CFHR4: variants seen among roughly 807,000 people sequenced by gnomAD.
CFHR4 encodes complement factor H-related protein 4.
CFHR4 carries 64 observed loss-of-function variants against 69.3 expected under a neutral mutation model. The observed-to-expected ratio is 0.92, with a 90% CI of 0.76 to 1.14. The LOEUF is 1.14. CFHR4 is among the 50% of genes most tolerant of loss of function. CFHR4 has a pLI of 0.00. For synonymous variants in CFHR4, 244 were observed against 237.0 expected (o/e 1.03, Z -0.27); for missense variants, 636 against 684.9 (o/e 0.93, Z 0.80).
Position 196,912,949 on chromosome 1 carries a change from G to C in CFHR4, c.1180+27G>C, listed in dbSNP as rs771039260. On this transcript the variant is annotated intron_variant, in intron 7 of 9. Coordinates refer to ENST00000608469, the MANE Select transcript of CFHR4 (RefSeq NM_001201550.3). ...TAAGTGATTTACATATTCCCATTCA[G>C]TTTCTGTCAACTTCGTTCCTCTCTT... The C allele has an allele frequency of 8.7e-6, 14 of 1,610,470 alleles. No individual in the cohort carries two copies. In the South Asian group the frequency reaches 1.4e-4, roughly 16 times the overall value.
Position 196,910,496 on chromosome 1 carries a change from C to A in CFHR4, c.997+18C>A, listed in dbSNP as rs780767022. The A allele has an allele frequency of 6.3e-7, 1 of 1,590,856 alleles. No individual in the cohort carries two copies. Among genetic ancestry groups the A allele is most frequent in the Admixed American group, 1.7e-5 (1 of 59,660 alleles). ...ATGCCTCAGTAAGCAAACCTCTTTA[C>A]AACAATATGTGCATAAAACTTGCAA... On this transcript the variant is annotated intron_variant, in intron 6 of 9. Transcript: ENST00000608469.
rs12746177 is a variant in CFHR4 at position 196,915,893 on chromosome 1, G to A, written c.1540+755G>A. Among the ~76,000 whole-genome samples the A allele has an allele frequency of 5.9e-5, 9 of 151,316 alleles. 1 individual carries two copies. The highest frequency in any genetic ancestry group is 1.5e-4 in the African/African-American group (6 of 41,050). ...TGAAAACACTGTTTCAAAAAACCAC[G>A]AACTATTAAATCCTCCTTGAAAACA... On this transcript the variant is annotated intron_variant, in intron 9 of 9. Coordinates refer to ENST00000608469, the MANE Select transcript of CFHR4 (RefSeq NM_001201550.3).
intron 3 of CFHR4, 63 bp downstream of exon 3, chr1:196,905,353 G>C: frequency 1.3e-6 from 2 of 1,581,450 alleles, no homozygotes; most frequent in South Asian, 2.3e-5. Flanking sequence ...TGAGGTGATA[G>C]TGTTTTACAG....
chr1:196,895,057 C>CA (rs1373933860), intron 1 of CFHR4, among the ~76,000 whole-genome samples: 6 of 150,532 alleles, frequency 4.0e-5, no homozygotes, highest in African/African-American at 9.8e-5. Flanking sequence ...ATGACCCTGT[C>CA]AAAAAAAATT....
At chr1:196,894,044 C>T (rs1396665150) in intron 1 of CFHR4, among the ~76,000 whole-genome samples, 1 of 151,430 alleles carries the variant, frequency 6.6e-6, no homozygotes, top group African/African-American at 2.4e-5. Context: ...CTCATTTACA[C>T]CTATTATATA....
At chr1:196,894,230 T>C (rs984283606) in intron 1 of CFHR4, among the ~76,000 whole-genome samples, 2 of 151,622 alleles carry the variant, frequency 1.3e-5, no homozygotes, top group South Asian at 2.1e-4. Context: ...AAATGAAATA[T>C]GGAGTTTTAA....
chr1:196,893,487 C>A (rs982280785), intron 1 of CFHR4, among the ~76,000 whole-genome samples: 6 of 151,632 alleles, frequency 4.0e-5, no homozygotes, highest in Non-Finnish European at 8.8e-5. Context: ...ATTACACATA[C>A]AAACTTTGTT....
At position 196,906,822 on chromosome 1, in the gene CFHR4, T is replaced by C. The variant is rs1393692177; in HGVS notation, c.440-39T>C. On this transcript the variant is annotated intron_variant, in intron 3 of 9. Transcript: ENST00000608469. ...TTTCTTAGTCGAGTTGTACATCATA[T>C]GGCATAGAAAAGCAATCCTCAATTT... 2.5e-6 allele frequency: 4 copies of C among 1,582,768 alleles called. 1 individual carries two copies. In the African/African-American group the frequency reaches 4.1e-5, roughly 16 times the overall value.
intron 6 of CFHR4, among the ~76,000 whole-genome samples, chr1:196,911,055 T>C (rs1658242565): frequency 1.3e-5 from 2 of 151,526 alleles, no homozygotes; most frequent in South Asian, 2.1e-4. Context: ...AGAGGATGAA[T>C]GGTCTCCTCC....
chr1:196,889,841 T>C (rs142625491), intron 1 of CFHR4, among the ~76,000 whole-genome samples: 1,902 of 151,442 alleles, frequency 0.013, 94 homozygotes, highest in African/African-American at 0.043. Context: ...CCAATATAAC[T>C]GGTGTCAATA....
intron 6 of CFHR4, among the ~76,000 whole-genome samples, chr1:196,910,819 CTTAT>C (rs2124966391): frequency 6.6e-6 from 1 of 151,554 alleles, no homozygotes; most frequent in African/African-American, 2.4e-5. Flanking sequence ...CTGATGCAGT[CTTAT>C]TTAAATATTC....
intron 1 of CFHR4, among the ~76,000 whole-genome samples, chr1:196,889,214 A>G (rs1322705174): frequency 6.6e-6 from 1 of 151,418 alleles, no homozygotes; most frequent in African/African-American, 2.4e-5. Context: ...TTCTAAGTAA[A>G]CAGCTTTAGG....
chr1:196,910,903 T>C (rs1658229918), intron 6 of CFHR4, among the ~76,000 whole-genome samples: 1 of 151,494 alleles, frequency 6.6e-6, no homozygotes, highest in African/African-American at 2.4e-5. Flanking sequence ...CATTTTATGG[T>C]CTTTAGGACA....
Position 196,910,318 on chromosome 1 carries a change from A to C in CFHR4, c.837A>C (p.Gly279=), listed in dbSNP as rs751699894. The C allele has an allele frequency of 4.4e-6, 7 of 1,603,838 alleles. No individual in the cohort carries two copies. The highest frequency in any genetic ancestry group is 1.7e-5 in the Admixed American group (1 of 59,224). Residue 279 remains glycine, a synonymous_variant, in exon 6 of 10, where the codon GGA becomes GGC. Coordinates refer to ENST00000608469, the MANE Select transcript of CFHR4 (RefSeq NM_001201550.3). ...KPCEFPEIQH[G]HLYYENTRRP... is the part of the protein sequence containing the mutation. ...GTGAGTTTCCAGAAATTCAACATGG[A>C]CATCTATATTATGAGAATACGCGTA...
At chr1:196,889,493 A>G (rs571726555) in intron 1 of CFHR4, among the ~76,000 whole-genome samples, 1 of 151,724 alleles carries the variant, frequency 6.6e-6, no homozygotes, top group Non-Finnish European at 1.5e-5. Flanking sequence ...AAAGCAGTAT[A>G]AGAAAAGAAT....
rs201362988 is a variant in CFHR4, at chr1:196,916,135, C to T, written c.1540+997C>T. Among the ~76,000 whole-genome samples the T allele has an allele frequency of 1.3e-5, 2 of 151,410 alleles. 1 individual carries two copies. Among genetic ancestry groups the T allele is most frequent in the African/African-American group, 4.9e-5 (2 of 41,006 alleles). ...TGAATACACTAAAAACCCCTCAAGC[C>T]AGTAATATAGGTATACTTCTAGAAT... On this transcript the variant is annotated intron_variant, in intron 9 of 9. Coordinates refer to ENST00000608469, the MANE Select transcript of CFHR4 (RefSeq NM_001201550.3).
chr1:196,917,256 T>G (rs998605333), intron 9 of CFHR4, among the ~76,000 whole-genome samples: 2 of 151,898 alleles, frequency 1.3e-5, no homozygotes, highest in Non-Finnish European at 1.5e-5. Flanking sequence ...GAGTGAATGA[T>G]ATCATCAAAA....
chr1:196,888,348 G>C, intron 1 of CFHR4, 140 bp downstream of exon 1: 1 of 723,232 alleles, frequency 1.4e-6, no homozygotes, highest in East Asian at 2.8e-5. Context: ...TATTTTGTGA[G>C]AGTATAACAG....
intron 6 of CFHR4, 99 bp downstream of exon 6, chr1:196,910,577 G>A: frequency 1.0e-6 from 1 of 991,976 alleles, no homozygotes; most frequent in Non-Finnish European, 1.5e-6. Context: ...GACAGAGATG[G>A]TACCAAAGGA....
Sources: allele counts gnomAD v4.1 joint callset (sites outside exome capture counted in the v4.1 genomes callset), GRCh38; gene constraint gnomAD v4.1.1; transcripts MANE v1.5; gene names NCBI Gene and HGNC (gene_info 2026-07-23, HGNC 2026-07-21).